The following ZFP1 variants were observed in gnomAD, a reference collection of about 807,000 sequenced individuals.
The protein encoded by ZFP1 is zinc finger protein 1 homolog.
ZFP1 carries 32 observed loss-of-function variants against 38.5 expected under a neutral mutation model. The observed-to-expected ratio is 0.83, with a 90% CI of 0.63 to 1.12. The LOEUF is 1.12. Ranked by LOEUF, ZFP1 falls within the 50% of genes most tolerant of loss-of-function variation. ZFP1 has a pLI of 0.00. For missense variants in ZFP1, 616 were observed against 480.8 expected, an observed-to-expected ratio of 1.28 and a Z score of -2.63; for synonymous variants, 245 against 168.8, an observed-to-expected ratio of 1.45 and a Z score of -3.50.
At chr16:75,163,102 G>A (rs530131502) in intron 2 of ZFP1, among the ~76,000 whole-genome samples, 1 of 151,458 alleles carries the variant, frequency 6.6e-6, no homozygotes, top group Admixed American at 6.6e-5. Context: ...TAGAGACGGG[G>A]TTCGCCATGT....
chr16:75,134,269 C>T, the ZFP1 span, among the ~76,000 whole-genome samples: 5 of 151,984 alleles, frequency 3.3e-5, no homozygotes, highest in Non-Finnish European at 5.9e-5. Context: ...AATTTTATCT[C>T]AAAAAAATTT....
chr16:75,155,435 C>T (rs1234461943), intron 2 of ZFP1, among the ~76,000 whole-genome samples: 1 of 152,096 alleles, frequency 6.6e-6, no homozygotes, highest in African/African-American at 2.4e-5. Context: ...CGTGCTCAGC[C>T]CAATTATGTG....
chr16:75,159,314 TTCCCTC>T (rs1597057263), intron 2 of ZFP1, among the ~76,000 whole-genome samples: 1 of 7,194 alleles, frequency 1.4e-4, no homozygotes, highest in Non-Finnish European at 7.5e-4. Context: ...CTTCCCTCCT[TTCCCTC>T]CTTTCCCTCC....
chr16:75,157,878 C>G (rs1361852044), intron 2 of ZFP1, among the ~76,000 whole-genome samples: 1 of 151,998 alleles, frequency 6.6e-6, no homozygotes, highest in Non-Finnish European at 1.5e-5. Flanking sequence ...TCACTGCAGT[C>G]TTTGCCTCCT....
chr16:75,148,298 C>T (rs1341288355), upstream of ZFP1, among the ~76,000 whole-genome samples: 1 of 152,150 alleles, frequency 6.6e-6, no homozygotes, highest in Non-Finnish European at 1.5e-5. Flanking sequence ...GTTCACGACC[C>T]ACTCTGGGAA....
At chr16:75,121,082 C>T in the ZFP1 span, among the ~76,000 whole-genome samples, 1 of 152,078 alleles carries the variant, frequency 6.6e-6, no homozygotes, top group South Asian at 2.1e-4. Context: ...GGGCTCTGCC[C>T]AGAGCTCAGA....
At chr16:75,146,003 C>A (rs1190240329), upstream of ZFP1, among the ~76,000 whole-genome samples, 1 of 152,196 alleles carries the variant, frequency 6.6e-6, no homozygotes, top group Non-Finnish European at 1.5e-5. Flanking sequence ...AAGGTGCTCA[C>A]CCTGGCCCTG....
chr16:75,136,505 T>C, the ZFP1 span, among the ~76,000 whole-genome samples: 9 of 152,188 alleles, frequency 5.9e-5, no homozygotes, highest in African/African-American at 1.7e-4. Flanking sequence ...TGATAATGAA[T>C]TACAATTGAA....
intron 1 of ZFP1, 97 bp from the exon 2 acceptor site, chr16:75,152,812 C>A: frequency 1.8e-6 from 2 of 1,135,942 alleles, no homozygotes; most frequent in Non-Finnish European, 1.3e-6. Context: ...TGGTATTTTC[C>A]CAGGTGGTCT....
At chr16:75,163,543 C>T (rs974625343) in intron 2 of ZFP1, among the ~76,000 whole-genome samples, 3 of 151,590 alleles carry the variant, frequency 2.0e-5, no homozygotes, top group East Asian at 1.9e-4. Context: ...AACTCCTGAC[C>T]TCAGGTGATC....
the ZFP1 span, among the ~76,000 whole-genome samples, chr16:75,123,938 A>G: frequency 6.6e-6 from 1 of 151,420 alleles, no homozygotes; most frequent in Non-Finnish European, 1.5e-5. Context: ...AAAAATACAA[A>G]AAAAAATTAG....
intron 3 of ZFP1, 96 bp from the exon 4 acceptor site, chr16:75,169,157 C>A (rs1311828445): frequency 3.5e-6 from 5 of 1,413,622 alleles, no homozygotes; most frequent in South Asian, 1.8e-5. Flanking sequence ...ACTAAAGAGT[C>A]AGCCCTGTGA....
chr16:75,161,109 C>G (rs2037749775), intron 2 of ZFP1, among the ~76,000 whole-genome samples: 2 of 151,928 alleles, frequency 1.3e-5, no homozygotes, highest in African/African-American at 4.8e-5. Context: ...CTCTTGTTGC[C>G]CAGGCTGTAG....
At chr16:75,136,715 C>G in the ZFP1 span, among the ~76,000 whole-genome samples, 2 of 151,860 alleles carry the variant, frequency 1.3e-5, no homozygotes, top group African/African-American at 2.4e-5. Context: ...CAAAAAAATA[C>G]AAAAATTAGC....
the ZFP1 span, among the ~76,000 whole-genome samples, chr16:75,139,376 A>ACAAAAAAAAC: frequency 7.4e-6 from 1 of 135,526 alleles, no homozygotes; most frequent in African/African-American, 3.6e-5. Flanking sequence ...CTCAAAAAAA[A>ACAAAAAAAAC]AAAAAAAAAA....
At chr16:75,149,300 G>A (rs576762610) in intron 1 of ZFP1, 1 of 152,238 alleles carries the variant, frequency 6.6e-6, no homozygotes, top group Non-Finnish European at 1.5e-5. Context: ...TTTATCTTTT[G>A]ATTTTACTCG....
At chr16:75,140,219 G>T in the ZFP1 span, among the ~76,000 whole-genome samples, 1 of 151,610 alleles carries the variant, frequency 6.6e-6, no homozygotes, top group Non-Finnish European at 1.5e-5. Flanking sequence ...GGTGAGCTGA[G>T]ATCACGCCAT....
the ZFP1 span, among the ~76,000 whole-genome samples, chr16:75,131,882 T>C: frequency 1.3e-5 from 2 of 151,912 alleles, no homozygotes; most frequent in Non-Finnish European, 2.9e-5. Flanking sequence ...GGAGGATCGC[T>C]TGAACCCAGG....
At chr16:75,121,352 C>G in the ZFP1 span, among the ~76,000 whole-genome samples, 1 of 151,970 alleles carries the variant, frequency 6.6e-6, no homozygotes, top group Non-Finnish European at 1.5e-5. Context: ...GTTTCGATCT[C>G]CTGACCTTGT....
Sources: allele counts gnomAD v4.1 joint callset (sites outside exome capture counted in the v4.1 genomes callset), GRCh38; gene constraint gnomAD v4.1.1; transcripts MANE v1.5; gene names NCBI Gene and HGNC (gene_info 2026-07-23, HGNC 2026-07-21).